ARID3B: variants seen among roughly 807,000 people sequenced by gnomAD.
The protein encoded by ARID3B is AT-rich interaction domain 3B.
ARID3B carries 10 observed loss-of-function variants against 51.9 expected under a neutral mutation model. The ratio of observed to expected loss-of-function variants is 0.19; its 90% CI spans 0.12 to 0.33. The LOEUF (loss-of-function observed/expected upper bound fraction) is 0.33, where lower values mean the gene tolerates loss of function less well. ARID3B is among the 10% of genes least tolerant of loss of function. ARID3B has a pLI of 1.00. For missense variants in ARID3B, 483 were observed against 716.3 expected, an observed-to-expected ratio of 0.67 and a Z score of 3.72; for synonymous variants, 205 against 279.5, an observed-to-expected ratio of 0.73 and a Z score of 2.66.
At chr15:74,576,870 T>C (rs1471716670) in intron 4 of ARID3B, among the ~76,000 whole-genome samples, 1 of 152,102 alleles carries the variant, frequency 6.6e-6, no homozygotes, top group Non-Finnish European at 1.5e-5. Flanking sequence ...AAAAATGCTG[T>C]GACACATGTG....
intron 2 of ARID3B, among the ~76,000 whole-genome samples, chr15:74,546,573 A>G (rs537527954): frequency 5.3e-4 from 81 of 152,370 alleles, no homozygotes; most frequent in African/African-American, 1.8e-3. Context: ...GGCACCCAGC[A>G]TCATGTTATC....
chr15:74,566,741 A>G (rs1040924956), intron 2 of ARID3B, among the ~76,000 whole-genome samples: 1 of 152,214 alleles, frequency 6.6e-6, no homozygotes, highest in Non-Finnish European at 1.5e-5. Context: ...CAAATGGTTC[A>G]GATTAATCTA....
intron 2 of ARID3B, among the ~76,000 whole-genome samples, chr15:74,558,040 C>T (rs2061665543): frequency 6.6e-6 from 1 of 151,936 alleles, no homozygotes; most frequent in Admixed American, 6.6e-5. Context: ...CCTGGATGGT[C>T]TCGATCTCCT....
intron 4 of ARID3B, among the ~76,000 whole-genome samples, chr15:74,578,206 C>T (rs1343281770): frequency 2.7e-5 from 4 of 150,662 alleles, no homozygotes; most frequent in South Asian, 2.1e-4. Context: ...CAAAGTCTCC[C>T]TCTGTAGCCC....
chr15:74,563,483 G>A (rs777725903), intron 2 of ARID3B, among the ~76,000 whole-genome samples: 6 of 152,186 alleles, frequency 3.9e-5, no homozygotes, highest in Non-Finnish European at 8.8e-5. Flanking sequence ...TTTAAAATGT[G>A]TTGTTTGGGG....
intron 2 of ARID3B, among the ~76,000 whole-genome samples, chr15:74,567,726 C>T (rs1259618770): frequency 1.3e-5 from 2 of 152,148 alleles, no homozygotes; most frequent in Non-Finnish European, 2.9e-5. Context: ...TGAAATCTTC[C>T]TCAGGGTAAC....
chr15:74,542,005 A>G (rs2061597256), intron 1 of ARID3B, among the ~76,000 whole-genome samples: 1 of 152,082 alleles, frequency 6.6e-6, no homozygotes, highest in South Asian at 2.1e-4. Flanking sequence ...TGAGTTGTAG[A>G]ACTGAGTCAT....
intron 2 of ARID3B, among the ~76,000 whole-genome samples, chr15:74,570,583 A>G (rs1251497964): frequency 1.3e-5 from 2 of 149,498 alleles, no homozygotes; most frequent in Non-Finnish European, 3.0e-5. Context: ...GAGAATTGGG[A>G]ATTGAGCTGC....
intron 2 of ARID3B, among the ~76,000 whole-genome samples, chr15:74,568,526 A>C (rs1042255410): frequency 6.6e-6 from 1 of 152,186 alleles, no homozygotes; most frequent in African/African-American, 2.4e-5. Flanking sequence ...TACATTATAG[A>C]ATTAAGTGAG....
chr15:74,591,432 A>C lies in ARID3B; in HGVS notation c.1163A>C (p.Lys388Thr). The change falls in exon 6 of 9, where the codon AAA becomes ACA. Residue 388 changes from lysine to threonine, a missense_variant and splice_region_variant. Lys to Thr is a moderately conservative substitution (Grantham distance 78). This residue lies in a region of ARID3B where 265 missense variants were observed against 354.4 expected (regional missense o/e 0.75). Transcript: ENST00000346246. The surrounding 1 kb of genome is among the most constrained non-coding windows in gnomAD (Gnocchi z 5.8). ...PRISPATTLR[K>T]GDGAPVTTVP... ...ATATCCCCAGCAACCACTCTCAGGA[A>C]AGGTCAGCAGGGCTCCTGGGGGAGA... 1.2e-6 allele frequency: 2 copies of C among 1,602,458 alleles called. No homozygotes were observed. The highest frequency in any genetic ancestry group is 1.7e-6 in the Non-Finnish European group (2 of 1,170,544).
chr15:74,553,582 C>A (rs8028893), intron 2 of ARID3B, among the ~76,000 whole-genome samples: 26,730 of 151,976 alleles, frequency 0.18, 3,430 homozygotes, highest in East Asian at 0.42. Flanking sequence ...TATCTCTTTT[C>A]CAGTATTATT....
chr15:74,593,839 G>A (rs1430059351), intron 8 of ARID3B, among the ~76,000 whole-genome samples: 2 of 152,072 alleles, frequency 1.3e-5, no homozygotes, highest in Admixed American at 1.3e-4. Flanking sequence ...CCAGGAGTTT[G>A]AGACCAGCCT....
In ARID3B at chr15:74,577,409, C is replaced by A. The variant is rs182384244; in HGVS notation, c.697+4205C>A. On this transcript the variant is annotated intron_variant, in intron 4 of 8. Coordinates refer to ENST00000346246, the MANE Select transcript of ARID3B (RefSeq NM_006465.4). ...GGCGGAGGTTGCAGTGAGCCAAGAT[C>A]GCACCATTGCACTCCAGCCTGGGTG... Among the ~76,000 whole-genome samples, 1,136 of 152,014 alleles carry A rather than the reference C, an allele frequency of 7.5e-3. 11 individuals are homozygous for A. The highest frequency in any genetic ancestry group is 0.025 in the African/African-American group (1,020 of 41,450).
At chr15:74,556,979 A>T (rs1180951067) in intron 2 of ARID3B, among the ~76,000 whole-genome samples, 3 of 151,268 alleles carry the variant, frequency 2.0e-5, no homozygotes, top group Non-Finnish European at 4.4e-5. Flanking sequence ...GTTTCACCAT[A>T]TTGGCCAGGC....
In ARID3B at chr15:74,570,462, C is replaced by CAAAAAAAAAAAAAAAAA. The variant is rs71137395; in HGVS notation, c.553-2381_553-2365dup. The stretch of plus-strand genomic sequence containing the variant: ...AGTGCTTGGAAGTTACTATAATTAG[C>CAAAAAAAAAAAAAAAAA]AAAAAAAAAAAAAAAAAAAAAAAAA... On this transcript the variant is annotated intron_variant, in intron 2 of 8. Transcript: ENST00000346246. Among the ~76,000 whole-genome samples the CAAAAAAAAAAAAAAAAA allele has an allele frequency of 4.6e-5, 3 of 64,592 alleles. 1 individual carries two copies. The highest frequency in any genetic ancestry group is 9.8e-5 in the Non-Finnish European group (3 of 30,482). The allele number at this position is 64,592 out of a possible 152,430, so 42.4% of individuals were successfully genotyped here.
intron 2 of ARID3B, among the ~76,000 whole-genome samples, chr15:74,570,462 CAAAA>C (rs71137395): frequency 1.6e-3 from 101 of 64,540 alleles, no homozygotes; most frequent in Non-Finnish European, 2.7e-3. Context: ...CTATAATTAG[CAAAA>C]AAAAAAAAAA....
At chr15:74,584,531 A>G (rs12102046) in intron 4 of ARID3B, among the ~76,000 whole-genome samples, 3,467 of 152,070 alleles carry the variant, frequency 0.023, 115 homozygotes, top group African/African-American at 0.077. Flanking sequence ...AGGCAGCCAT[A>G]TGAGTCTGTC....
At chr15:74,594,060 A>C (rs2061814070) in intron 8 of ARID3B, among the ~76,000 whole-genome samples, 1 of 151,764 alleles carries the variant, frequency 6.6e-6, no homozygotes, top group Non-Finnish European at 1.5e-5. Flanking sequence ...AAAAAAAAAA[A>C]CAAAACTTAA....
chr15:74,595,580 G>GC (rs1431525851), intron 8 of ARID3B, 31 bp from the exon 9 acceptor site: 1 of 1,604,932 alleles, frequency 6.2e-7, no homozygotes. Context: ...CTCTTCCTCT[G>GC]CCCACACTTG....
Sources: gnomAD v4.1 joint callset for allele counts (sites outside exome capture counted in the v4.1 genomes callset) on GRCh38, gnomAD v4.1.1 for gene constraint, gnomAD v4.1.1 regional missense constraint, Gnocchi (gnomAD v3.1) non-coding constraint, MANE v1.5 for transcripts, NCBI Gene and HGNC (gene_info 2026-07-23, HGNC 2026-07-21) for gene names.